CTNNA3: variants seen among roughly 807,000 people sequenced by gnomAD.
CTNNA3 encodes catenin alpha 3.
Under a neutral mutation model 95.7 loss-of-function variants are expected in CTNNA3, and 76 were observed. The observed-to-expected ratio is 0.79, with a 90% CI of 0.66 to 0.96. The LOEUF is 0.96. CTNNA3 is among the 40% of genes least tolerant of loss of function. CTNNA3 has a pLI of 0.00. For synonymous variants in CTNNA3, 431 were observed against 374.4 expected (o/e 1.15, Z -1.74); for missense variants, 1,191 against 1,089.8 (o/e 1.09, Z -1.31).
chr10:67,098,233 T>C (rs1858132143), intron 7 of CTNNA3: 1 of 159,240 alleles, frequency 6.3e-6, no homozygotes, highest in Admixed American at 6.1e-5. Flanking sequence ...AATTATTTCT[T>C]GTGTTATTCA....
chr10:66,719,753 T>C (rs560879708), intron 9 of CTNNA3, among the ~76,000 whole-genome samples: 10 of 152,300 alleles, frequency 6.6e-5, no homozygotes, highest in African/African-American at 2.2e-4. Flanking sequence ...TATGCAAATA[T>C]ATGCCTCCCA....
intron 13 of CTNNA3, among the ~76,000 whole-genome samples, chr10:66,234,191 A>G (rs2089738423): frequency 6.6e-6 from 1 of 152,138 alleles, no homozygotes; most frequent in Non-Finnish European, 1.5e-5. Context: ...CACTTTATAT[A>G]AAGTCATTTA....
chr10:67,430,520 T>A (rs1038685201), intron 5 of CTNNA3, among the ~76,000 whole-genome samples: 1 of 151,894 alleles, frequency 6.6e-6, no homozygotes, highest in Admixed American at 6.6e-5. Flanking sequence ...AATGATATAT[T>A]TAATAGTACC....
At chr10:67,098,482 T>C (rs1222171173) in intron 7 of CTNNA3, 1 of 152,254 alleles carries the variant, frequency 6.6e-6, no homozygotes, top group African/African-American at 2.4e-5. Flanking sequence ...AATCAAAGAT[T>C]TTTTTAACAG....
chr10:67,606,783 C>T, intron 3 of CTNNA3, 74 bp downstream of exon 3: 1 of 1,220,586 alleles, frequency 8.2e-7, no homozygotes, highest in Non-Finnish European at 1.2e-6. Flanking sequence ...AAACAAAACA[C>T]TCACAAATCT....
intron 7 of CTNNA3, among the ~76,000 whole-genome samples, chr10:67,033,702 G>C (rs1182314695): frequency 6.6e-6 from 1 of 152,130 alleles, no homozygotes; most frequent in Non-Finnish European, 1.5e-5. Context: ...GATCCTAAAT[G>C]GTGGAACTCA....
chr10:67,441,452 T>C (rs1846511100), intron 5 of CTNNA3, among the ~76,000 whole-genome samples: 1 of 152,070 alleles, frequency 6.6e-6, no homozygotes, highest in Admixed American at 6.5e-5. Context: ...AACATTCAAA[T>C]ACAAGAAGAC....
At chr10:66,888,059 G>A (rs994508066) in intron 7 of CTNNA3, among the ~76,000 whole-genome samples, 2 of 152,148 alleles carry the variant, frequency 1.3e-5, no homozygotes, top group Admixed American at 6.5e-5. Context: ...TTGATCATGG[G>A]AGTTCTTAAA....
intron 11 of CTNNA3, among the ~76,000 whole-genome samples, chr10:66,433,492 T>A (rs980025542): frequency 4.6e-5 from 7 of 152,152 alleles, no homozygotes; most frequent in African/African-American, 1.4e-4. Context: ...TTTGATGGGG[T>A]TGTTTTTCTC....
chr10:67,034,084 T>C (rs1853896874), intron 7 of CTNNA3, among the ~76,000 whole-genome samples: 1 of 152,138 alleles, frequency 6.6e-6, no homozygotes. Flanking sequence ...TACTGCTTCT[T>C]AAAAGGAAAA....
At chr10:66,781,086 AAGCCTCAAACACTAAGAGATG>A (rs60888958) in intron 7 of CTNNA3, among the ~76,000 whole-genome samples, 8,584 of 152,214 alleles carry the variant, frequency 0.056, 824 homozygotes, top group African/African-American at 0.2. Flanking sequence ...ATAAATTATG[AAGCCTCAAACACTAAGAGATG>A]AGGTTTAAAG....
chr10:66,172,127 G>A (rs1364481032), intron 13 of CTNNA3, among the ~76,000 whole-genome samples: 1 of 152,040 alleles, frequency 6.6e-6, no homozygotes, highest in Non-Finnish European at 1.5e-5. Context: ...GAGATGAAAA[G>A]CTAATTTATA....
intron 3 of CTNNA3, among the ~76,000 whole-genome samples, chr10:67,579,983 A>G (rs1158223277): frequency 6.6e-6 from 1 of 151,720 alleles, no homozygotes; most frequent in African/African-American, 2.4e-5. Flanking sequence ...GATTGAAAAA[A>G]TTTTCTCCCA....
intron 2 of CTNNA3, among the ~76,000 whole-genome samples, chr10:67,608,162 G>C (rs921458287): frequency 1.3e-5 from 2 of 152,032 alleles, no homozygotes; most frequent in African/African-American, 4.8e-5. Context: ...GTTACAAAGG[G>C]CAAGAAAGTA....
chr10:67,595,857 T>C (rs1842919979), intron 3 of CTNNA3, among the ~76,000 whole-genome samples: 1 of 152,236 alleles, frequency 6.6e-6, no homozygotes, highest in Admixed American at 6.5e-5. Flanking sequence ...TCTTGTTGAA[T>C]TGAACCCTTT....
intron 5 of CTNNA3, among the ~76,000 whole-genome samples, chr10:67,488,583 C>T (rs2133072674): frequency 6.6e-6 from 1 of 151,636 alleles, no homozygotes; most frequent in African/African-American, 2.4e-5. Flanking sequence ...GTTGGCCAGG[C>T]TGTTCTCAAA....
At chr10:66,285,742 TG>T (rs1245474678) in intron 12 of CTNNA3, among the ~76,000 whole-genome samples, 20 of 151,992 alleles carry the variant, frequency 1.3e-4, no homozygotes, top group African/African-American at 4.3e-4. Flanking sequence ...AATTCTCAAA[TG>T]TTTAAATTAT....
At chr10:67,424,114 T>C (rs185474281) in intron 5 of CTNNA3, among the ~76,000 whole-genome samples, 6 of 152,272 alleles carry the variant, frequency 3.9e-5, no homozygotes, top group Non-Finnish European at 2.9e-5. Flanking sequence ...TCTGTTACCA[T>C]CTCTCACCTT....
At chr10:67,115,738 T>C (rs1859148932) in intron 7 of CTNNA3, among the ~76,000 whole-genome samples, 1 of 151,528 alleles carries the variant, frequency 6.6e-6, no homozygotes, top group African/African-American at 2.4e-5. Flanking sequence ...TAGGAAATGG[T>C]TAAGAGGGTG....
Sources: allele counts gnomAD v4.1 joint callset (sites outside exome capture counted in the v4.1 genomes callset), GRCh38; gene constraint gnomAD v4.1.1; transcripts MANE v1.5; gene names NCBI Gene and HGNC (gene_info 2026-07-23, HGNC 2026-07-21).